Variants in INPP5D observed in about 807,000 individuals in gnomAD.
INPP5D encodes phosphatidylinositol 3,4,5-trisphosphate 5-phosphatase 1.
INPP5D carries 33 observed loss-of-function variants against 122.9 expected under a neutral mutation model. The ratio of observed to expected loss-of-function variants is 0.27; its 90% CI spans 0.20 to 0.36. The LOEUF is 0.36. Ranked by LOEUF, INPP5D falls within the 10% of genes least tolerant of loss-of-function variation. The pLI, the probability that INPP5D is intolerant of heterozygous loss-of-function variation, is 1.00. For missense variants in INPP5D, 1,053 were observed against 1,412.7 expected, an observed-to-expected ratio of 0.75 and a Z score of 4.08; for synonymous variants, 584 against 576.2, an observed-to-expected ratio of 1.01 and a Z score of -0.19.
At chr2:233,144,957 CCTGGCTGCTA>C (rs1408400343) in intron 6 of INPP5D, among the ~76,000 whole-genome samples, 5 of 151,978 alleles carry the variant, frequency 3.3e-5, no homozygotes, top group African/African-American at 1.2e-4. Context: ...GCAAGTGCAG[CCTGGCTGCTA>C]TATTGAGCAA....
At chr2:233,066,061 G>A (rs182652710) in intron 1 of INPP5D, among the ~76,000 whole-genome samples, 23 of 152,040 alleles carry the variant, frequency 1.5e-4, no homozygotes, top group African/African-American at 2.4e-4. Flanking sequence ...TTGATCAAGC[G>A]ATCCTCCTGC....
chr2:233,143,395 G>A (rs1693670564), intron 6 of INPP5D, among the ~76,000 whole-genome samples: 2 of 152,232 alleles, frequency 1.3e-5, no homozygotes, highest in South Asian at 4.1e-4. Flanking sequence ...TGCCCGGGGT[G>A]AAGGCAGGTC....
chr2:233,099,091 T>C (rs10195664), intron 2 of INPP5D, among the ~76,000 whole-genome samples: 94,962 of 151,122 alleles, frequency 0.63, 30,119 homozygotes, highest in Middle Eastern at 0.66. Flanking sequence ...GTTGGGATTA[T>C]AAGTGTGCGT....
rs1195039613 is a variant in INPP5D at position 233,170,229 on chromosome 2, T to C, written c.1791+65T>C. ...GAGATGGAGGCTCCCTTGAGTCAGC[T>C]TGGGGCAGGTGGTCGTGGAGACATG... On this transcript the variant is annotated intron_variant, in intron 15 of 26. Transcript: ENST00000445964. The surrounding 1 kb of genome is among the most constrained non-coding windows in gnomAD (Gnocchi z 4.5). 5.1e-6 allele frequency: 8 copies of C among 1,575,960 alleles called. No individual in the cohort carries two copies. The highest frequency in any genetic ancestry group is 6.0e-6 in the Non-Finnish European group (7 of 1,159,814).
In INPP5D at chr2:233,060,429, G is replaced by A. The variant is rs773022229; in HGVS notation, c.-50G>A. 5 of 1,541,216 alleles carry A rather than the reference G, an allele frequency of 3.2e-6. No homozygotes were observed. The highest frequency in any genetic ancestry group is 1.2e-5 in the South Asian group (1 of 84,524). On this transcript the variant is annotated 5_prime_UTR_variant, in exon 1 of 27. In the 5' UTR this introduces an upstream ATG that the reference lacks. Transcript: ENST00000445964. ...GGGCCTCCGCTCCCCTCGGTGGTGT[G>A]TGGGTCCTGGGGGTGCCTGCCGGCC...
rs1694267540 is a variant in INPP5D at position 233,164,226 on chromosome 2, G to A, written c.1438-81G>A. ...GGATACCCCATACCCAGGGGCTGCG[G>A]CTGGGGCTGGGTGTGAATCACTGTG... On this transcript the variant is annotated intron_variant, in intron 12 of 26. Coordinates refer to ENST00000445964, the MANE Select transcript of INPP5D (RefSeq NM_001017915.3). This position sits in a 1 kb window ranked among gnomAD's most constrained non-coding sequence, Gnocchi z 4.3. 6.8e-7 allele frequency: 1 copy of A among 1,475,888 alleles called. No individual in the cohort carries two copies. Among genetic ancestry groups the A allele is most frequent in the Non-Finnish European group, 9.0e-7 (1 of 1,108,682 alleles). 91.4% of individuals were successfully genotyped at this position (1,475,888 alleles called of 1,614,324 possible).
intron 2 of INPP5D, among the ~76,000 whole-genome samples, chr2:233,106,370 C>T (rs1032514198): frequency 2.6e-5 from 4 of 152,176 alleles, no homozygotes; most frequent in Admixed American, 6.5e-5. Flanking sequence ...TCCTGGCCAT[C>T]CTTTCTTATG....
At chr2:233,108,928 C>G (rs970460139) in intron 2 of INPP5D, among the ~76,000 whole-genome samples, 1 of 152,186 alleles carries the variant, frequency 6.6e-6, no homozygotes. Flanking sequence ...GAGGGGACAA[C>G]CCCCTGCCCA....
intron 1 of INPP5D, among the ~76,000 whole-genome samples, chr2:233,062,505 C>T (rs1691104081): frequency 2.0e-5 from 3 of 152,214 alleles, no homozygotes; most frequent in South Asian, 2.1e-4. Context: ...GGCCAGTTCT[C>T]GTATTCCTTC....
chr2:233,098,183 G>A lies in INPP5D; in HGVS notation c.198+18785G>A, dbSNP rs567307296. 3.3e-5 allele frequency among the ~76,000 whole-genome samples: 5 copies of A among 152,242 alleles called. No individual in the cohort carries two copies. The South Asian group carries it at 6.2e-4, about 19-fold the overall frequency. ...GCTGGGATCACAGGGATGAGCCACT[G>A]CACCCGGCCTTGGTTGTCTCACTTC... is the stretch of plus-strand genomic sequence containing the variant. On this transcript the variant is annotated intron_variant, in intron 2 of 26. Transcript: ENST00000445964.
rs1559339540 is a variant in INPP5D, at chr2:233,183,334, G to A, written c.2161+835G>A. ...TCTTGCTCTGTGTCCTTCATGCCCT[G>A]GGGGACACACGTGAGGCCGAAGCAC... On this transcript the variant is annotated intron_variant, in intron 19 of 26. Coordinates refer to ENST00000445964, the MANE Select transcript of INPP5D (RefSeq NM_001017915.3). The surrounding 1 kb of genome is among the most constrained non-coding windows in gnomAD (Gnocchi z 4.6). Among the ~76,000 whole-genome samples, 2 of 152,154 alleles carry A rather than the reference G, an allele frequency of 1.3e-5. No individual in the cohort carries two copies. Among genetic ancestry groups the A allele is most frequent in the Admixed American group, 6.5e-5 (1 of 15,280 alleles).
chr2:233,094,058 G>A (rs552079664), intron 2 of INPP5D, among the ~76,000 whole-genome samples: 1 of 152,100 alleles, frequency 6.6e-6, no homozygotes, highest in African/African-American at 2.4e-5. Flanking sequence ...GCAGCCACAG[G>A]CCACATGGGG....
rs372354411 is a variant in INPP5D, at chr2:233,163,810, G to C, written c.1344G>C (p.Val448=). ...SADYIPHDIY[V]IGTQEDPLSE... ...ACTACATCCCCCATGACATTTACGTGATCGGCACCCAAGAGGACCCCCTGA... is the reference window on the plus strand; with the variant it reads ...ACTACATCCCCCATGACATTTACGTCATCGGCACCCAAGAGGACCCCCTGA... Residue 448 remains valine, a synonymous_variant, in exon 12 of 27, where the codon GTG becomes GTC. Coordinates refer to ENST00000445964, the MANE Select transcript of INPP5D (RefSeq NM_001017915.3). 5.4e-5 allele frequency: 87 copies of C among 1,613,950 alleles called. No individual in the cohort carries two copies. The African/African-American group carries it at 8.8e-4, about 16-fold the overall frequency.
intron 2 of INPP5D, among the ~76,000 whole-genome samples, chr2:233,094,817 C>A (rs1179391531): frequency 6.6e-6 from 1 of 152,156 alleles, no homozygotes; most frequent in Non-Finnish European, 1.5e-5. Context: ...GTCTCACTCA[C>A]CACGGGAGGG....
intron 2 of INPP5D, among the ~76,000 whole-genome samples, chr2:233,085,904 A>G (rs1691816384): frequency 6.6e-6 from 1 of 152,058 alleles, no homozygotes; most frequent in African/African-American, 2.4e-5. Context: ...CATGTTCCAG[A>G]GCCTTCTGGT....
intron 10 of INPP5D, among the ~76,000 whole-genome samples, chr2:233,161,196 A>G (rs989255959): frequency 1.3e-5 from 2 of 152,032 alleles, no homozygotes; most frequent in African/African-American, 4.8e-5. Context: ...GGTTCAAGCA[A>G]TTCTTCTGCC....
chr2:233,186,420 C>T (rs894071287), intron 21 of INPP5D, among the ~76,000 whole-genome samples: 2 of 152,132 alleles, frequency 1.3e-5, no homozygotes, highest in Admixed American at 6.5e-5. Context: ...AAGTACTCGA[C>T]ATGTCTGTGG....
At chr2:233,092,555 A>G (rs931511173) in intron 2 of INPP5D, among the ~76,000 whole-genome samples, 2 of 152,106 alleles carry the variant, frequency 1.3e-5, no homozygotes, top group African/African-American at 2.4e-5. Flanking sequence ...GTACCAAAAG[A>G]TGTGTGGTTA....
intron 2 of INPP5D, among the ~76,000 whole-genome samples, chr2:233,106,559 C>T (rs1275402868): frequency 2.6e-5 from 4 of 152,342 alleles, no homozygotes; most frequent in South Asian, 2.1e-4. Flanking sequence ...GCTACAAGGA[C>T]GTGGCTGCAA....
Sources: gnomAD v4.1 joint callset for allele counts (sites outside exome capture counted in the v4.1 genomes callset) on GRCh38, gnomAD v4.1.1 for gene constraint, Gnocchi (gnomAD v3.1) non-coding constraint, MANE v1.5 for transcripts, NCBI Gene and HGNC (gene_info 2026-07-23, HGNC 2026-07-21) for gene names.